MYO10: variants seen among roughly 807,000 people sequenced by gnomAD.
The protein encoded by MYO10 is myosin X, also known as unconventional myosin-X.
MYO10 carries 133 observed loss-of-function variants against 257.3 expected under a neutral mutation model. That is an observed-to-expected ratio of 0.52 (90% CI 0.45 to 0.60). The LOEUF (loss-of-function observed/expected upper bound fraction) is 0.60. Ranked by LOEUF, MYO10 falls within the 20% of genes least tolerant of loss-of-function variation. The pLI is 0.00. For synonymous variants in MYO10, 1,104 were observed against 1,028.6 expected (o/e 1.07, Z -1.40); for missense variants, 2,399 against 2,635.7 (o/e 0.91, Z 1.97).
chr5:16,905,712 G>A (rs760809982), intron 1 of MYO10, among the ~76,000 whole-genome samples: 1 of 152,088 alleles, frequency 6.6e-6, no homozygotes, highest in Non-Finnish European at 1.5e-5. Flanking sequence ...GACACCAAGC[G>A]ATCTTCTTTT....
chr5:16,673,217 T>G (rs1579793481), intron 36 of MYO10, among the ~76,000 whole-genome samples: 9 of 138,022 alleles, frequency 6.5e-5, no homozygotes, highest in South Asian at 2.6e-4. Flanking sequence ...TAAGAAGCCT[T>G]GGGGGGTGGG....
At position 16,763,643 on chromosome 5, in the gene MYO10, A is replaced by G. The variant is rs950570998; in HGVS notation, c.1427+12T>C. On this transcript the variant is annotated intron_variant, in intron 13 of 40. Coordinates refer to ENST00000513610, the MANE Select transcript of MYO10 (RefSeq NM_012334.3). ...AAAAAAAAAATTGAAATGGAATTCT[A>G]TGAGTGCTTACCGGCTATATTCTAG... 4 of 1,593,720 alleles carry G rather than the reference A, an allele frequency of 2.5e-6. No individual in the cohort carries two copies. Among genetic ancestry groups the G allele is most frequent in the East Asian group, 2.2e-5 (1 of 44,740 alleles).
chr5:16,742,362 G>T, intron 19 of MYO10: 1 of 598,760 alleles, frequency 1.7e-6, no homozygotes, highest in Non-Finnish European at 2.1e-6. Flanking sequence ...TTAGGGAGAA[G>T]AATGGTTGCT....
At chr5:16,748,295 A>G (rs927821242) in intron 19 of MYO10, among the ~76,000 whole-genome samples, 2 of 151,876 alleles carry the variant, frequency 1.3e-5, no homozygotes, top group African/African-American at 4.8e-5. Context: ...CCCAGGCGGG[A>G]GTGCAGTGGT....
At chr5:16,885,693 C>A (rs538405253) in intron 1 of MYO10, among the ~76,000 whole-genome samples, 1 of 151,420 alleles carries the variant, frequency 6.6e-6, no homozygotes, top group Non-Finnish European at 1.5e-5. Flanking sequence ...CAAAAAAAAA[C>A]GGCGGGGGTT....
In MYO10 at chr5:16,662,314, C is replaced by CTTTTTTTTTTTTTTTTTTTTTTTTT. The variant is rs1199270809; in HGVS notation, c.*4377_*4378insAAAAAAAAAAAAAAAAAAAAAAAAA. On this transcript the variant is annotated 3_prime_UTR_variant, in exon 41 of 41. Coordinates refer to ENST00000513610, the MANE Select transcript of MYO10 (RefSeq NM_012334.3). The stretch of plus-strand genomic sequence containing the variant: ...AAAAGTGCTGTCTTAGATTTCTGAA[C>CTTTTTTTTTTTTTTTTTTTTTTTTT]TATTTTTTTTTTTTTTTTTTTTTTT... 4.8e-4 allele frequency: 19 copies of CTTTTTTTTTTTTTTTTTTTTTTTTT among 39,626 alleles called. No individual in the cohort carries two copies. Among genetic ancestry groups the CTTTTTTTTTTTTTTTTTTTTTTTTT allele is most frequent in the Non-Finnish European group, 8.6e-4 (18 of 20,944 alleles). 2.5% of individuals were successfully genotyped at this position (39,626 alleles called of 1,614,324 possible). A position where few individuals can be genotyped will look rare whatever the true frequency, so the allele number is the denominator to read the frequency against.
At chr5:16,708,380 T>C (rs1738440812) in intron 21 of MYO10, among the ~76,000 whole-genome samples, 1 of 152,200 alleles carries the variant, frequency 6.6e-6, no homozygotes, top group African/African-American at 2.4e-5. Flanking sequence ...TGTCTCTGTG[T>C]CCCCTATGCT....
chr5:16,710,492 G>A (rs182665474), intron 21 of MYO10, among the ~76,000 whole-genome samples: 73 of 152,248 alleles, frequency 4.8e-4, no homozygotes, highest in African/African-American at 1.6e-3. Flanking sequence ...CTGATCTCTC[G>A]CTCAGTCGCT....
intron 19 of MYO10, among the ~76,000 whole-genome samples, chr5:16,718,144 C>G (rs909106130): frequency 6.6e-6 from 1 of 152,216 alleles, no homozygotes; most frequent in African/African-American, 2.4e-5. Flanking sequence ...TGCCAGCCCA[C>G]CGGCGCTGTG....
chr5:16,752,763 T>C (rs1740416444), intron 19 of MYO10, among the ~76,000 whole-genome samples: 1 of 152,076 alleles, frequency 6.6e-6, no homozygotes, highest in South Asian at 2.1e-4. Flanking sequence ...CCCACCAGAG[T>C]GTACAAAGCA....
chr5:16,887,420 G>T (rs1275394972), intron 1 of MYO10, among the ~76,000 whole-genome samples: 1 of 152,212 alleles, frequency 6.6e-6, no homozygotes, highest in East Asian at 1.9e-4. Context: ...AATTATAAAT[G>T]TGTGATTCTG....
chr5:16,909,505 CAAAA>C (rs36053061), intron 1 of MYO10, among the ~76,000 whole-genome samples: 3 of 107,590 alleles, frequency 2.8e-5, no homozygotes, highest in Admixed American at 9.8e-5. Context: ...AACTCCAACT[CAAAA>C]AAAAAAAAAA....
chr5:16,844,425 A>C (rs1477375988), intron 2 of MYO10, among the ~76,000 whole-genome samples: 1 of 137,370 alleles, frequency 7.3e-6, no homozygotes, highest in Non-Finnish European at 1.5e-5. Flanking sequence ...TTTTTTTTTT[A>C]GTGTCACAAA....
intron 3 of MYO10, among the ~76,000 whole-genome samples, chr5:16,815,954 G>C (rs745533077): frequency 6.6e-6 from 1 of 151,362 alleles, no homozygotes; most frequent in Non-Finnish European, 1.5e-5. Context: ...GAGGAAGACA[G>C]CATGATTGAA....
At chr5:16,714,690 G>A (rs1738771302) in intron 19 of MYO10, among the ~76,000 whole-genome samples, 1 of 152,206 alleles carries the variant, frequency 6.6e-6, no homozygotes, top group South Asian at 2.1e-4. Flanking sequence ...GGGCGTGGTG[G>A]CGGGCGCCTG....
intron 32 of MYO10, 67 bp downstream of exon 32, chr5:16,681,242 C>T: frequency 6.8e-7 from 1 of 1,475,214 alleles, no homozygotes; most frequent in Non-Finnish European, 9.2e-7. Flanking sequence ...GAATCTTATT[C>T]CTTTGCCCGG....
intron 1 of MYO10, among the ~76,000 whole-genome samples, chr5:16,905,890 T>A (rs1317737342): frequency 6.6e-6 from 1 of 152,048 alleles, no homozygotes; most frequent in African/African-American, 2.4e-5. Flanking sequence ...GACATCTGAG[T>A]AGGGACAACC....
chr5:16,679,152 G>A (rs1191918728), intron 33 of MYO10, among the ~76,000 whole-genome samples: 1 of 152,202 alleles, frequency 6.6e-6, no homozygotes, highest in East Asian at 1.9e-4. Context: ...TGCCTGAGAG[G>A]GATGCCAAGT....
At chr5:16,769,005 CAAT>C in intron 10 of MYO10, 66 bp downstream of exon 10, 2 of 1,512,584 alleles carry the variant, frequency 1.3e-6, no homozygotes, top group South Asian at 2.7e-5. Flanking sequence ...GCTAGACAGT[CAAT>C]AATTTAGGTT....
Sources: gnomAD v4.1 joint callset for allele counts (sites outside exome capture counted in the v4.1 genomes callset) on GRCh38, gnomAD v4.1.1 for gene constraint, MANE v1.5 for transcripts, NCBI Gene and HGNC (gene_info 2026-07-23, HGNC 2026-07-21) for gene names.